Variants in RGL1 observed in about 807,000 individuals in gnomAD.
RGL1 encodes ral guanine nucleotide dissociation stimulator like 1.
In RGL1, 24 loss-of-function variants were observed where a neutral mutation model predicts 95.2. The ratio of observed to expected loss-of-function variants is 0.25; its 90% confidence interval spans 0.18 to 0.35. The LOEUF (loss-of-function observed/expected upper bound fraction) is 0.35. Ranked by LOEUF, RGL1 falls within the 10% of genes least tolerant of loss-of-function variation. The probability of loss-of-function intolerance (pLI) is 1.00; values close to 1 mark genes in which losing one functional copy is unlikely to be tolerated. For missense variants in RGL1, 715 were observed against 936.3 expected (o/e 0.76, Z 3.08); for synonymous variants, 329 against 344.9 (o/e 0.95, Z 0.51).
intron 2 of RGL1, among the ~76,000 whole-genome samples, chr1:183,766,472 A>G (rs183478959): frequency 8.0e-4 from 122 of 152,320 alleles, no homozygotes; most frequent in African/African-American, 2.6e-3. Flanking sequence ...TTTCCTGAAC[A>G]TTAAAACTTT....
At chr1:183,836,094 G>T (rs1173272452) in intron 2 of RGL1, among the ~76,000 whole-genome samples, 2 of 152,212 alleles carry the variant, frequency 1.3e-5, no homozygotes, top group African/African-American at 2.4e-5. Flanking sequence ...CTACAGGGTT[G>T]TTGTAAGGGT....
intron 2 of RGL1, among the ~76,000 whole-genome samples, chr1:183,814,745 G>GT (rs1367303705): frequency 6.6e-6 from 1 of 152,140 alleles, no homozygotes; most frequent in African/African-American, 2.4e-5. Flanking sequence ...GATGTCTTAG[G>GT]TCAGTCATAT....
chr1:183,731,055 C>A (rs1310508188), intron 1 of RGL1, among the ~76,000 whole-genome samples: 1 of 152,104 alleles, frequency 6.6e-6, no homozygotes, highest in African/African-American at 2.4e-5. Flanking sequence ...ATGAAGTTAA[C>A]AATTAATATC....
chr1:183,679,317 C>T (rs1008839120), intron 1 of RGL1, among the ~76,000 whole-genome samples: 3 of 151,924 alleles, frequency 2.0e-5, no homozygotes, highest in South Asian at 4.2e-4. Context: ...ATACATGTGC[C>T]GTGGTGGTTT....
intron 1 of RGL1, among the ~76,000 whole-genome samples, chr1:183,668,899 C>G: frequency 6.7e-6 from 1 of 148,862 alleles, no homozygotes; most frequent in East Asian, 2.0e-4. Flanking sequence ...TTTTTATTTT[C>G]AGTCTGTTTT....
chr1:183,873,200 A>G (rs542309085), intron 4 of RGL1, among the ~76,000 whole-genome samples: 2 of 152,338 alleles, frequency 1.3e-5, no homozygotes, highest in African/African-American at 2.4e-5. Context: ...AGGGTTTTCT[A>G]CATTAAAGAA....
At chr1:183,829,114 C>T (rs1276565930) in intron 2 of RGL1, among the ~76,000 whole-genome samples, 7 of 151,978 alleles carry the variant, frequency 4.6e-5, no homozygotes, top group African/African-American at 1.7e-4. Flanking sequence ...AGGTGGGGCC[C>T]GTGAATCTAC....
At chr1:183,649,063 C>T (rs1051533973) in intron 1 of RGL1, among the ~76,000 whole-genome samples, 3 of 152,188 alleles carry the variant, frequency 2.0e-5, no homozygotes, top group Non-Finnish European at 4.4e-5. Context: ...AATGAGTTAA[C>T]AATGCAAGTT....
chr1:183,707,803 A>C lies in RGL1; in HGVS notation c.-32-34323A>C, dbSNP rs1480728846. Among the ~76,000 whole-genome samples the C allele has an allele frequency of 3.3e-5, 5 of 151,564 alleles. No individual in the cohort carries two copies. The East Asian group carries it at 9.8e-4, about 30-fold the overall frequency. The stretch of plus-strand genomic sequence containing the variant: ...AAAGAGGAGGCTTGGGGGTTAAAGA[A>C]GATGGTTGAGAGGGGAGAGGTAGGG... On this transcript the variant is annotated intron_variant, in intron 1 of 18. Transcript: ENST00000304685.
chr1:183,849,910 A>AT (rs1365345149), intron 3 of RGL1, among the ~76,000 whole-genome samples: 1 of 152,188 alleles, frequency 6.6e-6, no homozygotes, highest in Non-Finnish European at 1.5e-5. Context: ...GGGTCAAAGT[A>AT]TATCAGCATT....
chr1:183,839,756 C>T (rs192525136), intron 2 of RGL1, among the ~76,000 whole-genome samples: 5 of 152,292 alleles, frequency 3.3e-5, no homozygotes, highest in Middle Eastern at 3.4e-3. Context: ...GGCTCTCCAG[C>T]CAAAGCATTC....
chr1:183,850,412 A>T (rs1412354741), intron 3 of RGL1, among the ~76,000 whole-genome samples: 1 of 152,200 alleles, frequency 6.6e-6, no homozygotes, highest in African/African-American at 2.4e-5. Flanking sequence ...ACCTTTAATA[A>T]TCAAGTTATA....
intron 11 of RGL1, 147 bp from the exon 12 acceptor site, chr1:183,902,421 C>T: frequency 1.9e-6 from 1 of 540,164 alleles, no homozygotes; most frequent in Non-Finnish European, 3.1e-6. Flanking sequence ...ACAGGACTCT[C>T]TTCTTCCACA....
intron 1 of RGL1, among the ~76,000 whole-genome samples, chr1:183,722,411 A>G: frequency 6.6e-6 from 1 of 152,092 alleles, no homozygotes; most frequent in East Asian, 1.9e-4. Flanking sequence ...GAACAGAGAT[A>G]ATATTTAAAG....
At chr1:183,809,892 G>A (rs1661590813) in intron 2 of RGL1, among the ~76,000 whole-genome samples, 1 of 152,178 alleles carries the variant, frequency 6.6e-6, no homozygotes. Context: ...GGGTGGTCAA[G>A]GCTGTAGCGA....
chr1:183,907,252 A>G (rs1394882054), intron 14 of RGL1, 151 bp downstream of exon 14: 2 of 617,154 alleles, frequency 3.2e-6, no homozygotes, highest in African/African-American at 1.8e-5. Context: ...CATGAACTCA[A>G]AGCATTTGCT....
intron 1 of RGL1, among the ~76,000 whole-genome samples, chr1:183,671,194 G>A (rs540993309): frequency 2.8e-4 from 43 of 152,244 alleles, no homozygotes; most frequent in African/African-American, 1.0e-3. Context: ...CCTCCACCTG[G>A]TCTCTCCCTT....
At chr1:183,734,272 T>C (rs1380501686) in intron 1 of RGL1, among the ~76,000 whole-genome samples, 1 of 152,184 alleles carries the variant, frequency 6.6e-6, no homozygotes, top group Non-Finnish European at 1.5e-5. Flanking sequence ...TTTTTGAACA[T>C]CTACATGATG....
rs574824713 is a variant in RGL1 at position 183,848,085 on chromosome 1, T to A, written c.347+311T>A. On this transcript the variant is annotated intron_variant, in intron 3 of 17. Transcript: ENST00000360851. ...TTCTCCATATTTTTATAATTTTATA[T>A]TATTCAGTAAATAATCAGTTGACCA... Among the ~76,000 whole-genome samples, 5 of 152,350 alleles carry A rather than the reference T, an allele frequency of 3.3e-5. No homozygotes were observed. In the East Asian group the frequency reaches 9.6e-4, roughly 29 times the overall value.
Sources: allele counts gnomAD v4.1 joint callset (sites outside exome capture counted in the v4.1 genomes callset), GRCh38; gene constraint gnomAD v4.1.1; transcripts MANE v1.5; gene names NCBI Gene and HGNC (gene_info 2026-07-23, HGNC 2026-07-21).